Variants in ASCC3 observed in about 807,000 individuals in gnomAD.
ASCC3 encodes the protein activating signal cointegrator 1 complex subunit 3.
A neutral mutation model predicts 256.3 loss-of-function variants in ASCC3; 158 were observed. The observed-to-expected ratio is 0.62, with a 90% CI of 0.54 to 0.70. The LOEUF (loss-of-function observed/expected upper bound fraction) is 0.70, where lower values mean the gene tolerates loss of function less well. Among genes scored for constraint, ASCC3 ranks in the 30% least tolerant of loss-of-function variants. ASCC3 has a pLI of 0.00. For synonymous variants in ASCC3, 948 were observed against 883.4 expected, an observed-to-expected ratio of 1.07 and a Z score of -1.30; for missense variants, 2,259 against 2,626.0, an observed-to-expected ratio of 0.86 and a Z score of 3.05.
In ASCC3 at chr6:100,848,837, A is replaced by G; in HGVS notation, c.242-130T>C. Reference sequence around the variant, plus strand: ...CAAATCATAGCAATAGACCAGGTGTAATGGCTCCATATAATCCCCACACTC... The same window carrying G: ...CAAATCATAGCAATAGACCAGGTGTGATGGCTCCATATAATCCCCACACTC... On this transcript the variant is annotated intron_variant, in intron 3 of 41. Transcript: ENST00000369162. The G allele has an allele frequency of 4.6e-6, 4 of 878,206 alleles. No homozygotes were observed. The South Asian group carries it at 6.1e-5, about 13-fold the overall frequency. The allele number at this position is 878,206 out of a possible 1,614,324, so 54.4% of individuals were successfully genotyped here. A position where few individuals can be genotyped will look rare whatever the true frequency, so the allele number is the denominator to read the frequency against.
chr6:100,707,478 AT>A (rs1778659445), intron 13 of ASCC3, among the ~76,000 whole-genome samples: 2 of 152,064 alleles, frequency 1.3e-5, no homozygotes, highest in African/African-American at 2.4e-5. Context: ...ACCAGTGATT[AT>A]TTTTTCCCCT....
At position 100,606,767 on chromosome 6, in the gene ASCC3, T is replaced by C; in HGVS notation, c.5017A>G (p.Arg1673Gly). 6.2e-7 allele frequency: 1 copy of C among 1,607,680 alleles called. No homozygotes were observed. Among genetic ancestry groups the C allele is most frequent in the Non-Finnish European group, 8.5e-7 (1 of 1,177,818 alleles). ...GTAATGGGAAAATCCACATAACGTC[T>C]TGTTTTTCCATCATAGTATTCTGTT... ...KGTEYYDGKT[R>G]RYVDFPITDV... The change falls in exon 32 of 42, where the codon AGA becomes GGA. Residue 1673 changes from arginine to glycine, a missense_variant. Transcript: ENST00000369162.
chr6:100,789,854 T>C (rs912251367), intron 8 of ASCC3, among the ~76,000 whole-genome samples: 1 of 151,946 alleles, frequency 6.6e-6, no homozygotes, highest in Non-Finnish European at 1.5e-5. Context: ...ACATTTAAAA[T>C]TTACCAAAAT....
chr6:100,751,619 A>G (rs1440368813), intron 10 of ASCC3, among the ~76,000 whole-genome samples: 2 of 152,132 alleles, frequency 1.3e-5, no homozygotes, highest in African/African-American at 4.8e-5. Context: ...AACACCAAAA[A>G]GTTTTGCTGT....
At chr6:100,648,233 CT>C (rs1459848385) in intron 20 of ASCC3, among the ~76,000 whole-genome samples, 4 of 147,574 alleles carry the variant, frequency 2.7e-5, no homozygotes, top group African/African-American at 1.1e-4. Flanking sequence ...TGAATGTAGT[CT>C]TTTTCTTCAC....
intron 36 of ASCC3, among the ~76,000 whole-genome samples, chr6:100,581,761 T>A (rs1167765024): frequency 2.6e-5 from 4 of 151,874 alleles, no homozygotes; most frequent in Admixed American, 6.6e-5. Context: ...GATTTTTGTA[T>A]AAGGTGTAAG....
intron 36 of ASCC3, among the ~76,000 whole-genome samples, chr6:100,578,558 C>T (rs1771008547): frequency 6.6e-6 from 1 of 151,976 alleles, no homozygotes; most frequent in African/African-American, 2.4e-5. Flanking sequence ...GGATTATGGC[C>T]TCCAACTCCA....
intron 4 of ASCC3, among the ~76,000 whole-genome samples, chr6:100,807,473 C>T (rs1423239027): frequency 6.6e-6 from 1 of 151,840 alleles, no homozygotes; most frequent in Admixed American, 6.6e-5. Context: ...AAGTCCCGGA[C>T]ACTTAGGGGG....
intron 14 of ASCC3, among the ~76,000 whole-genome samples, chr6:100,665,551 C>T (rs190917053): frequency 4.0e-5 from 6 of 151,486 alleles, no homozygotes; most frequent in South Asian, 2.1e-4. Context: ...GGTGAAACTC[C>T]GTCTCTACTA....
rs140030426 is a variant in ASCC3, at chr6:100,722,551, A to G, written c.1902+2988T>C. Reference sequence around the variant, plus strand: ...TACACCAGCCTAAAATCTAAGTGTAAGCAAGAACTTTGTTTTGTTTATCAC... The same window carrying G: ...TACACCAGCCTAAAATCTAAGTGTAGGCAAGAACTTTGTTTTGTTTATCAC... On this transcript the variant is annotated intron_variant, in intron 11 of 41. Coordinates refer to ENST00000369162, the MANE Select transcript of ASCC3 (RefSeq NM_006828.4). 1.1e-4 allele frequency among the ~76,000 whole-genome samples: 16 copies of G among 151,920 alleles called. No individual in the cohort carries two copies. In the East Asian group the frequency reaches 2.5e-3, roughly 24 times the overall value.
chr6:100,629,155 G>GTCA lies in ASCC3; in HGVS notation c.4232_4234dup (p.Val1411_Thr1412insMet). On this transcript the variant is annotated inframe_insertion, in exon 27 of 42. Coordinates refer to ENST00000369162, the MANE Select transcript of ASCC3 (RefSeq NM_006828.4). ...CTTGGCAATGGATTTCATATCAGGA[G>GTCA]TCACATCCCCTGTTAGTTCAATAAC... The GTCA allele has an allele frequency of 6.2e-7, 1 of 1,613,534 alleles. No homozygotes were observed. The highest frequency in any genetic ancestry group is 8.5e-7 in the Non-Finnish European group (1 of 1,179,712).
intron 1 of ASCC3, among the ~76,000 whole-genome samples, chr6:100,877,134 C>T (rs1025184905): frequency 5.3e-5 from 8 of 151,860 alleles, no homozygotes; most frequent in East Asian, 1.9e-4. Flanking sequence ...TGTATTTTTT[C>T]GTTATAAAAA....
At chr6:100,869,099 C>T (rs1258141283) in intron 1 of ASCC3, among the ~76,000 whole-genome samples, 5 of 152,140 alleles carry the variant, frequency 3.3e-5, no homozygotes, top group African/African-American at 1.2e-4. Flanking sequence ...TGATTTTGCC[C>T]CACATGGGAC....
intron 30 of ASCC3, among the ~76,000 whole-genome samples, chr6:100,613,095 T>C (rs1374788482): frequency 1.3e-5 from 2 of 151,638 alleles, no homozygotes; most frequent in Non-Finnish European, 2.9e-5. Context: ...AAAGCATGCT[T>C]AAATTTGTCT....
intron 10 of ASCC3, among the ~76,000 whole-genome samples, chr6:100,726,063 G>A (rs1779611358): frequency 6.7e-6 from 1 of 149,662 alleles, no homozygotes; most frequent in Non-Finnish European, 1.5e-5. Context: ...TATTTGAAAA[G>A]GGACTAAAAA....
chr6:100,625,096 C>G (rs1774159091), intron 30 of ASCC3, 96 bp downstream of exon 30: 5 of 1,456,980 alleles, frequency 3.4e-6, no homozygotes, highest in Middle Eastern at 2.0e-4. Flanking sequence ...TTATGAATTT[C>G]TTCTTTCCCT....
At position 100,661,896 on chromosome 6, in the gene ASCC3, A is replaced by G. The variant is rs1267613853; in HGVS notation, c.2613T>C (p.Asp871=). ...GCAAAGTGAGGTAATGGCTGAGTTT[A>G]TCATGCGTTGTTATAATTATTCCTT... is the stretch of plus-strand genomic sequence containing the variant. The part of the protein sequence containing the change: ...FGEGIIITTH[D]KLSHYLTLLT... Residue 871 remains aspartate, a synonymous_variant, in exon 16 of 42, where the codon GAT becomes GAC. Coordinates refer to ENST00000369162, the MANE Select transcript of ASCC3 (RefSeq NM_006828.4). The G allele has an allele frequency of 3.1e-6, 5 of 1,613,324 alleles. No individual in the cohort carries two copies. Among genetic ancestry groups the G allele is most frequent in the Non-Finnish European group, 4.2e-6 (5 of 1,179,518 alleles).
chr6:100,555,590 C>T (rs1203264727), intron 36 of ASCC3, among the ~76,000 whole-genome samples: 1 of 152,126 alleles, frequency 6.6e-6, no homozygotes, highest in Non-Finnish European at 1.5e-5. Flanking sequence ...CCATCAGGAA[C>T]ATCTATTTCC....
intron 36 of ASCC3, among the ~76,000 whole-genome samples, chr6:100,541,293 T>TAA (rs554667429): frequency 6.7e-5 from 9 of 134,730 alleles, no homozygotes; most frequent in South Asian, 2.4e-4. Flanking sequence ...TCCAAAAAAT[T>TAA]AAAAAAAAAA....
Sources: allele counts gnomAD v4.1 joint callset (sites outside exome capture counted in the v4.1 genomes callset), GRCh38; gene constraint gnomAD v4.1.1; transcripts MANE v1.5; gene names NCBI Gene and HGNC (gene_info 2026-07-23, HGNC 2026-07-21).